Variants in JARID2 observed in about 807,000 individuals in gnomAD.
JARID2 encodes the protein protein Jumonji.
In JARID2, 21 loss-of-function variants were observed where a neutral mutation model predicts 125.6. The ratio of observed to expected loss-of-function variants is 0.17; its 90% CI spans 0.12 to 0.24. The LOEUF is 0.24. Among genes scored for constraint, JARID2 ranks in the 10% least tolerant of loss-of-function variants. The probability of loss-of-function intolerance (pLI) is 1.00; values close to 1 mark genes in which losing one functional copy is unlikely to be tolerated. For missense variants in JARID2, 1,303 were observed against 1,639.6 expected (o/e 0.79, Z 3.55); for synonymous variants, 736 against 661.6 (o/e 1.11, Z -1.73).
intron 1 of JARID2, among the ~76,000 whole-genome samples, chr6:15,288,078 A>C (rs953332330): frequency 6.6e-6 from 1 of 152,194 alleles, no homozygotes; most frequent in African/African-American, 2.4e-5. Context: ...ACCACGGCAA[A>C]GGGGAAGGCA....
intron 2 of JARID2, among the ~76,000 whole-genome samples, chr6:15,409,970 G>A (rs1205141873): frequency 6.6e-6 from 1 of 152,170 alleles, no homozygotes; most frequent in Non-Finnish European, 1.5e-5. Flanking sequence ...GAAGTATAGT[G>A]TTACAGTTCC....
chr6:15,303,586 C>T (rs1393022474), intron 1 of JARID2, among the ~76,000 whole-genome samples: 3 of 152,228 alleles, frequency 2.0e-5, no homozygotes, highest in Non-Finnish European at 4.4e-5. Context: ...TAATATGCTT[C>T]TCACCTCTTT....
intron 5 of JARID2, among the ~76,000 whole-genome samples, chr6:15,476,276 C>A (rs1381374774): frequency 1.3e-5 from 2 of 152,236 alleles, no homozygotes; most frequent in Non-Finnish European, 2.9e-5. Context: ...AGAACCCAGA[C>A]TGCCAGGGGT....
At chr6:15,439,814 C>G (rs1267804116) in intron 3 of JARID2, among the ~76,000 whole-genome samples, 1 of 152,166 alleles carries the variant, frequency 6.6e-6, no homozygotes, top group African/African-American at 2.4e-5. Flanking sequence ...GTTTTGATTT[C>G]CTCATTCTTC....
intron 2 of JARID2, among the ~76,000 whole-genome samples, chr6:15,396,888 A>G (rs1328365381): frequency 6.6e-6 from 1 of 152,214 alleles, no homozygotes; most frequent in African/African-American, 2.4e-5. Flanking sequence ...ACGAGTTTGC[A>G]TACCATCACC....
intron 8 of JARID2, among the ~76,000 whole-genome samples, chr6:15,502,739 G>C (rs1770803340): frequency 6.6e-6 from 1 of 152,154 alleles, no homozygotes; most frequent in South Asian, 2.1e-4. Flanking sequence ...CAGTTTTTCT[G>C]GCCTGAGACC....
intron 2 of JARID2, among the ~76,000 whole-genome samples, chr6:15,404,531 A>G (rs1329794151): frequency 2.4e-4 from 10 of 42,316 alleles, no homozygotes; most frequent in South Asian, 1.2e-3. Context: ...ACACACACAC[A>G]CACACACACA....
intron 1 of JARID2, among the ~76,000 whole-genome samples, chr6:15,318,081 A>G (rs557920456): frequency 7.4e-4 from 113 of 152,342 alleles, no homozygotes; most frequent in African/African-American, 2.7e-3. Context: ...ATGGTGGCGC[A>G]TGCCTGTAGT....
chr6:15,503,148 A>G (rs914742029), intron 8 of JARID2, among the ~76,000 whole-genome samples: 2 of 152,214 alleles, frequency 1.3e-5, no homozygotes, highest in Non-Finnish European at 1.5e-5. Context: ...AGCCCCCAGC[A>G]GCCGTGTGCC....
chr6:15,449,804 A>G lies in JARID2; in HGVS notation c.324-2202A>G, dbSNP rs542701785. On this transcript the variant is annotated intron_variant, in intron 3 of 17. Transcript: ENST00000341776. ...TTTTGGTGGATTGTCAGTTTGTATC[A>G]GGAATATTATTAGACGGTGGTGTTT... is the stretch of plus-strand genomic sequence containing the variant. Among the ~76,000 whole-genome samples, 178 of 152,268 alleles carry G rather than the reference A, an allele frequency of 1.2e-3. 1 individual carries two copies. Among genetic ancestry groups the G allele is most frequent in the Admixed American group, 3.4e-3 (52 of 15,306 alleles).
chr6:15,347,651 G>A (rs768506798), intron 1 of JARID2, among the ~76,000 whole-genome samples: 3 of 152,114 alleles, frequency 2.0e-5, no homozygotes, highest in Non-Finnish European at 4.4e-5. Context: ...ATTCTGTTGG[G>A]GTTTAAACAT....
chr6:15,320,347 G>T (rs1326403675), intron 1 of JARID2, among the ~76,000 whole-genome samples: 2 of 152,216 alleles, frequency 1.3e-5, no homozygotes, highest in East Asian at 1.9e-4. Context: ...CAGTTGAAAA[G>T]AGGAAGACTT....
chr6:15,302,186 T>C (rs1409551297), intron 1 of JARID2, among the ~76,000 whole-genome samples: 3 of 151,990 alleles, frequency 2.0e-5, no homozygotes, highest in Non-Finnish European at 4.4e-5. Context: ...GAGGCCGAGG[T>C]GGGCAGATCA....
intron 1 of JARID2, among the ~76,000 whole-genome samples, chr6:15,335,194 G>T (rs952190139): frequency 6.6e-6 from 1 of 152,200 alleles, no homozygotes; most frequent in Admixed American, 6.5e-5. Flanking sequence ...CCGTCTCGTG[G>T]CTTCAAGCGA....
At chr6:15,334,294 T>C (rs1171251081) in intron 1 of JARID2, among the ~76,000 whole-genome samples, 1 of 151,032 alleles carries the variant, frequency 6.6e-6, no homozygotes, top group African/African-American at 2.4e-5. Flanking sequence ...CAGGGGTTCC[T>C]ATGGAACAGT....
intron 1 of JARID2, among the ~76,000 whole-genome samples, chr6:15,250,135 C>G (rs1317096289): frequency 6.6e-6 from 1 of 152,122 alleles, no homozygotes; most frequent in African/African-American, 2.4e-5. Flanking sequence ...TAGGACAGCT[C>G]AAGCAGAATT....
chr6:15,518,551 G>A (rs993844101), intron 17 of JARID2, among the ~76,000 whole-genome samples: 1 of 152,034 alleles, frequency 6.6e-6, no homozygotes, highest in African/African-American at 2.4e-5. Flanking sequence ...GCGTGATCTC[G>A]GCCCACTGCA....
At chr6:15,365,402 T>C (rs1035937911) in intron 1 of JARID2, among the ~76,000 whole-genome samples, 7 of 152,200 alleles carry the variant, frequency 4.6e-5, no homozygotes, top group South Asian at 2.1e-4. Flanking sequence ...GTTCCCTGAC[T>C]GCACCCTTTA....
At chr6:15,269,949 G>C (rs1760233746) in intron 1 of JARID2, among the ~76,000 whole-genome samples, 1 of 151,950 alleles carries the variant, frequency 6.6e-6, no homozygotes, top group Admixed American at 6.5e-5. Context: ...TCTTTCCTGA[G>C]TAATTATATG....
Sources: gnomAD v4.1 joint callset for allele counts (sites outside exome capture counted in the v4.1 genomes callset) on GRCh38, gnomAD v4.1.1 for gene constraint, MANE v1.5 for transcripts, NCBI Gene and HGNC (gene_info 2026-07-23, HGNC 2026-07-21) for gene names.